The following FREM1 variants were observed in gnomAD, a reference collection of about 807,000 sequenced individuals.
The protein encoded by FREM1 is FRAS1-related extracellular matrix protein 1.
FREM1 carries 220 observed loss-of-function variants against 210.1 expected under a neutral mutation model. The ratio of observed to expected loss-of-function variants is 1.05; its 90% CI spans 0.94 to 1.17. The LOEUF (loss-of-function observed/expected upper bound fraction) is 1.17. Ranked by LOEUF, FREM1 falls within the 50% of genes most tolerant of loss-of-function variation. The probability of loss-of-function intolerance (pLI) is 0.00; values close to 1 mark genes in which losing one functional copy is unlikely to be tolerated. For missense variants in FREM1, 3,454 were observed against 2,675.5 expected (o/e 1.29, Z -6.42); for synonymous variants, 1,189 against 980.2 (o/e 1.21, Z -3.98).
rs746542062 is a variant in FREM1, at chr9:14,745,546, C to G, written c.6254+807G>C. The stretch of plus-strand genomic sequence containing the variant: ...CTTTATCAGGTTTATGATTTGAGAA[C>G]AGCTTTTTCTGAATATGGTTTGCTC... On this transcript the variant is annotated intron_variant, in intron 35 of 36. Coordinates refer to ENST00000380880, the MANE Select transcript of FREM1 (RefSeq NM_001379081.2). 2.6e-5 allele frequency among the ~76,000 whole-genome samples: 4 copies of G among 152,142 alleles called. No individual in the cohort carries two copies. The South Asian group carries it at 8.3e-4, about 32-fold the overall frequency.
chr9:14,770,821 A>G lies in FREM1; in HGVS notation c.4858-15T>C. ...AATTGGTCTACCTGGATCATCAACAATGACATAAAATGTTGTCCAAAGGCC... is the reference window on the plus strand; with the variant it reads ...AATTGGTCTACCTGGATCATCAACAGTGACATAAAATGTTGTCCAAAGGCC... On this transcript the variant is annotated splice_polypyrimidine_tract_variant and intron_variant, in intron 25 of 36. Coordinates refer to ENST00000380880, the MANE Select transcript of FREM1 (RefSeq NM_001379081.2). 6.3e-7 allele frequency: 1 copy of G among 1,594,456 alleles called. No individual in the cohort carries two copies. The highest frequency in any genetic ancestry group is 8.6e-7 in the Non-Finnish European group (1 of 1,166,490).
intron 25 of FREM1, among the ~76,000 whole-genome samples, chr9:14,775,141 T>C (rs1380572750): frequency 6.6e-5 from 10 of 152,206 alleles, no homozygotes; most frequent in Non-Finnish European, 1.3e-4. Flanking sequence ...CACAATGCTG[T>C]AGGCATGTTT....
At chr9:14,902,649 C>T (rs1253953166) in intron 1 of FREM1, among the ~76,000 whole-genome samples, 1 of 152,164 alleles carries the variant, frequency 6.6e-6, no homozygotes, top group African/African-American at 2.4e-5. Context: ...GTCAAATCAG[C>T]ACCACAGAGG....
chr9:14,788,013 T>C (rs919758627), intron 23 of FREM1, among the ~76,000 whole-genome samples: 2 of 152,214 alleles, frequency 1.3e-5, no homozygotes, highest in Non-Finnish European at 2.9e-5. Context: ...AGGACAATTA[T>C]AATTCTGCCA....
chr9:14,884,186 G>A (rs1185811942), intron 1 of FREM1, among the ~76,000 whole-genome samples: 2 of 151,990 alleles, frequency 1.3e-5, no homozygotes, highest in African/African-American at 2.4e-5. Context: ...CCAAGATCGC[G>A]CCACTGCACT....
At chr9:14,769,991 A>G in intron 26 of FREM1, 123 bp from the exon 27 acceptor site, 1 of 541,656 alleles carries the variant, frequency 1.8e-6, no homozygotes, top group Non-Finnish European at 3.1e-6. Flanking sequence ...TACATTTTAA[A>G]ACAAGAAATT....
At chr9:14,904,339 A>G (rs1178782681) in intron 1 of FREM1, among the ~76,000 whole-genome samples, 1 of 152,156 alleles carries the variant, frequency 6.6e-6, no homozygotes, top group Non-Finnish European at 1.5e-5. Context: ...GCTTTATCCA[A>G]TTCACAGAAA....
chr9:14,881,411 G>A (rs76874327), intron 1 of FREM1, among the ~76,000 whole-genome samples: 1 of 152,112 alleles, frequency 6.6e-6, no homozygotes, highest in South Asian at 2.1e-4. Context: ...GAAAAAAAAA[G>A]CTATCTTGGA....
chr9:14,807,883 C>T lies in FREM1; in HGVS notation c.3088+57G>A, dbSNP rs537504681. 7 of 1,180,536 alleles carry T rather than the reference C, an allele frequency of 5.9e-6. No homozygotes were observed. The Admixed American group carries it at 1.4e-4, about 23-fold the overall frequency. 73.1% of individuals were successfully genotyped at this position (1,180,536 alleles called of 1,614,324 possible). On this transcript the variant is annotated intron_variant, in intron 17 of 36. Coordinates refer to ENST00000380880, the MANE Select transcript of FREM1 (RefSeq NM_001379081.2). ...AAATGAAATGTATTATTTCACTGAACCACAGGTATGACACTAGGTCAGACA... is the reference window on the plus strand; with the variant it reads ...AAATGAAATGTATTATTTCACTGAATCACAGGTATGACACTAGGTCAGACA...
At chr9:14,887,687 T>A (rs1195176648) in intron 1 of FREM1, among the ~76,000 whole-genome samples, 1 of 152,204 alleles carries the variant, frequency 6.6e-6, no homozygotes, top group Non-Finnish European at 1.5e-5. Context: ...AATTCCTTCC[T>A]TTCTACTTTG....
intron 1 of FREM1, among the ~76,000 whole-genome samples, chr9:14,897,758 T>A (rs1177891327): frequency 6.6e-6 from 1 of 152,068 alleles, no homozygotes; most frequent in Non-Finnish European, 1.5e-5. Flanking sequence ...GCCTGACTAA[T>A]TTAAAAAAAT....
At chr9:14,854,028 A>C (rs1828258023) in intron 5 of FREM1, among the ~76,000 whole-genome samples, 1 of 152,182 alleles carries the variant, frequency 6.6e-6, no homozygotes, top group Non-Finnish European at 1.5e-5. Flanking sequence ...AAATTATATA[A>C]ACAAAGCAAT....
intron 1 of FREM1, among the ~76,000 whole-genome samples, chr9:14,889,453 T>C (rs12005597): frequency 0.019 from 2,938 of 152,342 alleles, 98 homozygotes; most frequent in African/African-American, 0.066. Flanking sequence ...CTAGGAATTC[T>C]TTCATTTACA....
chr9:14,787,830 T>C (rs769429932), intron 23 of FREM1, among the ~76,000 whole-genome samples: 2 of 152,164 alleles, frequency 1.3e-5, no homozygotes, highest in African/African-American at 2.4e-5. Flanking sequence ...ATGAACATAG[T>C]TGTTTTGCAG....
At chr9:14,845,810 C>T in intron 8 of FREM1, 150 bp downstream of exon 8, 1 of 769,114 alleles carries the variant, frequency 1.3e-6, no homozygotes. Context: ...ACACAAAAGT[C>T]AATGATTTCA....
chr9:14,835,450 T>C (rs1824381663), intron 10 of FREM1, among the ~76,000 whole-genome samples: 1 of 152,172 alleles, frequency 6.6e-6, no homozygotes, highest in South Asian at 2.1e-4. Flanking sequence ...ACTGAAGGGG[T>C]GTGTCTCCCT....
intron 3 of FREM1, among the ~76,000 whole-genome samples, chr9:14,863,340 CAA>C (rs547934749): frequency 2.5e-3 from 227 of 89,936 alleles, no homozygotes; most frequent in African/African-American, 6.3e-3. Context: ...GACTCCGTCT[CAA>C]AAAAAAAAAA....
intron 18 of FREM1, 72 bp from the exon 19 acceptor site, chr9:14,805,224 C>T (rs1282174741): frequency 3.8e-6 from 3 of 792,406 alleles, no homozygotes; most frequent in African/African-American, 1.7e-5. Flanking sequence ...TAATCCTTAA[C>T]CCAATAATAG....
At chr9:14,873,201 A>T (rs1359200245) in intron 1 of FREM1, among the ~76,000 whole-genome samples, 2 of 151,946 alleles carry the variant, frequency 1.3e-5, no homozygotes, top group Non-Finnish European at 2.9e-5. Flanking sequence ...GTTAGGGAGG[A>T]TTCCCTCTTT....
Sources: allele counts gnomAD v4.1 joint callset (sites outside exome capture counted in the v4.1 genomes callset), GRCh38; gene constraint gnomAD v4.1.1; transcripts MANE v1.5; gene names NCBI Gene and HGNC (gene_info 2026-07-23, HGNC 2026-07-21).